Variants in ERP44 observed in about 807,000 individuals in gnomAD.
ERP44 encodes endoplasmic reticulum protein 44.
ERP44 carries 25 observed loss-of-function variants against 53.4 expected under a neutral mutation model. That is an observed-to-expected ratio of 0.47 (90% CI 0.34 to 0.65). The LOEUF (loss-of-function observed/expected upper bound fraction) is 0.65. Among genes scored for constraint, ERP44 ranks in the 30% least tolerant of loss-of-function variants. ERP44 has a pLI of 0.01. For synonymous variants in ERP44, 145 were observed against 161.2 expected, an observed-to-expected ratio of 0.90 and a Z score of 0.76; for missense variants, 338 against 493.2, an observed-to-expected ratio of 0.69 and a Z score of 2.98.
At chr9:99,995,390 G>C (rs185994123) in intron 10 of ERP44, among the ~76,000 whole-genome samples, 64 of 152,260 alleles carry the variant, frequency 4.2e-4, no homozygotes, top group African/African-American at 1.4e-3. Flanking sequence ...TGGTGAGATT[G>C]AACATCTTTG....
At chr9:99,985,443 A>T (rs1830186284) in intron 10 of ERP44, among the ~76,000 whole-genome samples, 3 of 152,226 alleles carry the variant, frequency 2.0e-5, no homozygotes, top group Non-Finnish European at 4.4e-5. Flanking sequence ...TAAAAATAAC[A>T]GGGCTCAAGG....
chr9:99,989,550 C>T (rs1227373877), intron 10 of ERP44, among the ~76,000 whole-genome samples: 1 of 152,162 alleles, frequency 6.6e-6, no homozygotes, highest in Admixed American at 6.5e-5. Flanking sequence ...TCACCATCAT[C>T]AAAGGCCAAA....
chr9:100,008,969 C>G (rs898274682), intron 8 of ERP44, among the ~76,000 whole-genome samples: 11 of 152,098 alleles, frequency 7.2e-5, no homozygotes, highest in African/African-American at 2.7e-4. Context: ...TCCCAAACTC[C>G]TGGGCTCAAG....
chr9:99,989,804 ATAAACAGTGTAGAGAAGACTT>A (rs1194371790), intron 10 of ERP44, among the ~76,000 whole-genome samples: 1 of 152,244 alleles, frequency 6.6e-6, no homozygotes, highest in African/African-American at 2.4e-5. Context: ...GCTAACTAGA[ATAAACAGTGTAGAGAAGACTT>A]TAAATGACCG....
chr9:100,015,305 C>T (rs1297481592), intron 8 of ERP44, among the ~76,000 whole-genome samples: 1 of 152,064 alleles, frequency 6.6e-6, no homozygotes, highest in Non-Finnish European at 1.5e-5. Flanking sequence ...AAAACTGTAC[C>T]TAATACAAAG....
At chr9:100,045,441 T>C (rs936960743) in intron 4 of ERP44, among the ~76,000 whole-genome samples, 2 of 152,174 alleles carry the variant, frequency 1.3e-5, no homozygotes, top group African/African-American at 4.8e-5. Flanking sequence ...TAGCATTACA[T>C]AAGGTAGGCA....
chr9:100,031,987 A>C (rs1381872549), intron 4 of ERP44, among the ~76,000 whole-genome samples: 1 of 152,200 alleles, frequency 6.6e-6, no homozygotes, highest in African/African-American at 2.4e-5. Flanking sequence ...GCTTAATGGC[A>C]GTTATAGTTT....
intron 1 of ERP44, among the ~76,000 whole-genome samples, chr9:100,098,190 A>T (rs1195957286): frequency 6.6e-6 from 1 of 152,208 alleles, no homozygotes; most frequent in Non-Finnish European, 1.5e-5. Flanking sequence ...AATACGTTGC[A>T]ATAAGATTTG....
At chr9:100,049,853 T>C (rs891055710) in intron 4 of ERP44, among the ~76,000 whole-genome samples, 5 of 152,170 alleles carry the variant, frequency 3.3e-5, no homozygotes, top group Non-Finnish European at 5.9e-5. Context: ...TGTATAAAGA[T>C]TTATATCTGA....
intron 10 of ERP44, among the ~76,000 whole-genome samples, chr9:99,990,509 A>T (rs1166449001): frequency 1.3e-5 from 2 of 152,204 alleles, no homozygotes; most frequent in African/African-American, 4.8e-5. Flanking sequence ...GAGCTCCTGA[A>T]GGAAGTACTA....
At chr9:99,993,950 A>G (rs958139955) in intron 10 of ERP44, among the ~76,000 whole-genome samples, 1 of 152,222 alleles carries the variant, frequency 6.6e-6, no homozygotes, top group Non-Finnish European at 1.5e-5. Flanking sequence ...CAAAACCACA[A>G]TGAGATGCCA....
chr9:99,988,585 A>C (rs941250896), intron 10 of ERP44, among the ~76,000 whole-genome samples: 1 of 152,208 alleles, frequency 6.6e-6, no homozygotes, highest in African/African-American at 2.4e-5. Context: ...GAATAGGAAG[A>C]GCTCCAATCT....
intron 10 of ERP44, among the ~76,000 whole-genome samples, chr9:99,989,874 C>T (rs1388247813): frequency 2.6e-5 from 4 of 152,148 alleles, no homozygotes; most frequent in African/African-American, 7.2e-5. Context: ...CTATGTGACA[C>T]ATGCACAAGC....
chr9:100,027,744 C>A (rs774561283), intron 4 of ERP44, among the ~76,000 whole-genome samples: 1 of 152,110 alleles, frequency 6.6e-6, no homozygotes, highest in African/African-American at 2.4e-5. Flanking sequence ...GCCTCATACT[C>A]GTTTCAGCAA....
intron 3 of ERP44, among the ~76,000 whole-genome samples, chr9:100,053,925 T>C (rs894042454): frequency 1.3e-5 from 2 of 152,214 alleles, no homozygotes; most frequent in Non-Finnish European, 2.9e-5. Context: ...AATTAGTTCA[T>C]ACATATTAGC....
intron 4 of ERP44, among the ~76,000 whole-genome samples, chr9:100,037,884 C>G (rs553688369): frequency 1.8e-4 from 27 of 152,276 alleles, no homozygotes; most frequent in Middle Eastern, 3.4e-3. Flanking sequence ...ATAGGTCTGG[C>G]AGCAGACTTT....
chr9:100,075,537 T>C (rs984829030), intron 1 of ERP44, among the ~76,000 whole-genome samples: 4 of 152,180 alleles, frequency 2.6e-5, no homozygotes, highest in African/African-American at 9.7e-5. Context: ...TTATGTTAAC[T>C]GGATCCAGAG....
chr9:100,061,175 G>A (rs1385157284), intron 1 of ERP44, among the ~76,000 whole-genome samples: 13 of 152,182 alleles, frequency 8.5e-5, no homozygotes, highest in Non-Finnish European at 1.5e-4. Context: ...GGGCATGGTG[G>A]CTCATGCCTG....
intron 4 of ERP44, among the ~76,000 whole-genome samples, chr9:100,046,887 T>C (rs745610598): frequency 5.9e-5 from 9 of 152,204 alleles, no homozygotes; most frequent in East Asian, 1.9e-4. Context: ...TTATAAGCTA[T>C]AGTAATCTAC....
Sources: gnomAD v4.1 joint callset for allele counts (sites outside exome capture counted in the v4.1 genomes callset) on GRCh38, gnomAD v4.1.1 for gene constraint, MANE v1.5 for transcripts, NCBI Gene and HGNC (gene_info 2026-07-23, HGNC 2026-07-21) for gene names.